The following ZFR2 variants were observed in gnomAD, a reference collection of about 807,000 sequenced individuals.
ZFR2 encodes zinc finger RNA binding protein 2, also known as zinc finger RNA-binding protein 2.
In ZFR2, 104 loss-of-function variants were observed where a neutral mutation model predicts 105.7. The ratio of observed to expected loss-of-function variants is 0.98; its 90% CI spans 0.84 to 1.16. ZFR2 has a LOEUF of 1.16. Among genes scored for constraint, ZFR2 ranks in the 50% most tolerant of loss-of-function variants. ZFR2 has a pLI of 0.00. For missense variants in ZFR2, 1,425 were observed against 1,355.5 expected (o/e 1.05, Z -0.80); for synonymous variants, 634 against 597.7 (o/e 1.06, Z -0.89).
At chr19:3,825,482 G>A (rs1279242837) in intron 6 of ZFR2, 75 bp from the exon 7 acceptor site, 3 of 1,501,954 alleles carry the variant, frequency 2.0e-6, no homozygotes, top group Non-Finnish European at 2.7e-6. Context: ...GGCAGGAAGG[G>A]CCTCCACGGG....
intron 11 of ZFR2, among the ~76,000 whole-genome samples, chr19:3,819,799 G>T (rs2037868858): frequency 1.3e-5 from 2 of 149,174 alleles, no homozygotes; most frequent in Admixed American, 1.4e-4. Context: ...TTGCAGTGAG[G>T]CCACGATTGC....
rs1183051620 is a variant in ZFR2 at position 3,805,893 on chromosome 19, G to T, written c.*56C>A. ...GGATGAAGCAGCCATTGGTCGGCGC[G>T]CACACGTCCAGGAGTGCAGGGATGC... On this transcript the variant is annotated 3_prime_UTR_variant, in exon 19 of 19. Coordinates refer to ENST00000262961, the MANE Select transcript of ZFR2 (RefSeq NM_015174.2). 2.8e-6 allele frequency: 4 copies of T among 1,445,116 alleles called. No individual in the cohort carries two copies. The highest frequency in any genetic ancestry group is 5.0e-4 in the Middle Eastern group (2 of 4,034). 89.5% of individuals were successfully genotyped at this position (1,445,116 alleles called of 1,614,324 possible).
chr19:3,819,323 G>A (rs1442529036), intron 11 of ZFR2, 88 bp from the exon 12 acceptor site: 18 of 1,089,788 alleles, frequency 1.7e-5, no homozygotes, highest in African/African-American at 6.8e-5. Context: ...GCAGGTGGCC[G>A]TGGCCAGCCA....
Position 3,856,243 on chromosome 19 carries a change from G to A in ZFR2, c.53+12722C>T, listed in dbSNP as rs372343839. 2.6e-5 allele frequency among the ~76,000 whole-genome samples: 4 copies of A among 152,302 alleles called. No individual in the cohort carries two copies. In the East Asian group the frequency reaches 5.8e-4, roughly 22 times the overall value. On this transcript the variant is annotated intron_variant, in intron 1 of 18. Transcript: ENST00000262961. ...GGATGAAGGGGTTTTGGAGAAGCGT[G>A]CAGGCGCTTGGACTTGGATATGATC...
At chr19:3,855,536 A>T (rs1242493042) in intron 1 of ZFR2, 26 of 1,020,224 alleles carry the variant, frequency 2.5e-5, no homozygotes, top group Non-Finnish European at 3.1e-5. Flanking sequence ...TAACCAGACC[A>T]AAGTCCCGTC....
chr19:3,825,251 C>T lies in ZFR2; in HGVS notation c.1192G>A (p.Ala398Thr). 6.4e-7 allele frequency: 1 copy of T among 1,551,510 alleles called. No individual in the cohort carries two copies. Among genetic ancestry groups the T allele is most frequent in the Non-Finnish European group, 8.6e-7 (1 of 1,156,860 alleles). The part of the protein sequence containing the change: ...SRPALAKRPV[A>T]SKALCEGPPE... ...GTACCCTCGCATAAGGCCTTCGAGG[C>T]CACGGGTCTCTTGGCCAGCGCTGGC... Residue 398 changes from alanine to threonine, a missense_variant, in exon 7 of 19, where the codon GCC becomes ACC. Physicochemically the swap from Ala to Thr is moderately conservative, Grantham distance 58 (BLOSUM62 0). Coordinates refer to ENST00000262961, the MANE Select transcript of ZFR2 (RefSeq NM_015174.2).
chr19:3,816,319 C>T (rs1288828770), intron 13 of ZFR2, among the ~76,000 whole-genome samples: 1 of 149,566 alleles, frequency 6.7e-6, no homozygotes, highest in Admixed American at 6.7e-5. Context: ...AATCTCAGCT[C>T]AGTGCAACCT....
intron 1 of ZFR2, among the ~76,000 whole-genome samples, chr19:3,863,610 T>C (rs1250885907): frequency 6.6e-6 from 1 of 152,106 alleles, no homozygotes; most frequent in East Asian, 1.9e-4. Context: ...TTTTAATGTC[T>C]AAAGGATGTA....
chr19:3,865,217 A>G (rs1278318173), intron 1 of ZFR2, among the ~76,000 whole-genome samples: 1 of 152,206 alleles, frequency 6.6e-6, no homozygotes, highest in African/African-American at 2.4e-5. Flanking sequence ...GCTAACTGTA[A>G]ACTTTTCTTA....
intron 2 of ZFR2, among the ~76,000 whole-genome samples, 170 bp from the exon 3 acceptor site, chr19:3,833,948 CA>C: frequency 6.6e-6 from 1 of 151,940 alleles, no homozygotes; most frequent in East Asian, 2.0e-4. Context: ...GGGCAGGGGG[CA>C]GGGGGCAGGG....
At chr19:3,806,626 G>A (rs10415797) in intron 18 of ZFR2, among the ~76,000 whole-genome samples, 31,965 of 152,024 alleles carry the variant, frequency 0.21, 3,609 homozygotes, top group East Asian at 0.33. Context: ...GCGTGGTGCC[G>A]GCTGACCACA....
chr19:3,863,924 G>C (rs1216524863), intron 1 of ZFR2, among the ~76,000 whole-genome samples: 3 of 152,128 alleles, frequency 2.0e-5, no homozygotes, highest in South Asian at 2.1e-4. Context: ...CAAGGATCAC[G>C]TGAGGGCTCA....
chr19:3,825,937 C>T (rs1206268441), intron 6 of ZFR2, among the ~76,000 whole-genome samples: 3 of 152,114 alleles, frequency 2.0e-5, no homozygotes, highest in Non-Finnish European at 4.4e-5. Context: ...TGCACAGGGC[C>T]ACTGTGTGTG....
chr19:3,856,646 G>T (rs17747976), intron 1 of ZFR2, among the ~76,000 whole-genome samples: 4,077 of 152,234 alleles, frequency 0.027, 82 homozygotes, highest in Middle Eastern at 0.058. Flanking sequence ...ATTTGGTATG[G>T]TGATGGTGTG....
At chr19:3,808,055 G>T (rs996529676) in intron 17 of ZFR2, among the ~76,000 whole-genome samples, 2 of 143,458 alleles carry the variant, frequency 1.4e-5, no homozygotes, top group South Asian at 4.3e-4. Context: ...CCGTGCGTGT[G>T]CGTGCATGTG....
At chr19:3,835,754 G>A (rs545752066) in intron 1 of ZFR2, among the ~76,000 whole-genome samples, 1 of 151,786 alleles carries the variant, frequency 6.6e-6, no homozygotes, top group East Asian at 2.0e-4. Context: ...AGACCAACCT[G>A]GACAACATAA....
rs1245725517 is a variant in ZFR2, at chr19:3,858,692, C to A, written c.53+10273G>T. Among the ~76,000 whole-genome samples, 2 of 152,186 alleles carry A rather than the reference C, an allele frequency of 1.3e-5. No homozygotes were observed. Among genetic ancestry groups the A allele is most frequent in the Admixed American group, 1.3e-4 (2 of 15,280 alleles). On this transcript the variant is annotated intron_variant, in intron 1 of 18. Transcript: ENST00000262961. The surrounding 1 kb of genome is among the most constrained non-coding windows in gnomAD (Gnocchi z 4.3). ...AATCAACCGGGCATGGTGGTGCATG[C>A]CTGAAATCCCAGCTACTTGGGAGGC...
chr19:3,846,444 A>G (rs55830133), intron 1 of ZFR2, among the ~76,000 whole-genome samples: 22,832 of 152,232 alleles, frequency 0.15, 2,073 homozygotes, highest in East Asian at 0.26. Context: ...TATGTTTGTC[A>G]TGGTGAGCGG....
intron 5 of ZFR2, among the ~76,000 whole-genome samples, chr19:3,828,984 C>T (rs545669383): frequency 4.2e-5 from 6 of 142,560 alleles, no homozygotes; most frequent in South Asian, 4.4e-4. Context: ...TTTTTTAAGA[C>T]GGAGTCTTGC....
Sources: allele counts gnomAD v4.1 joint callset (sites outside exome capture counted in the v4.1 genomes callset), GRCh38; gene constraint gnomAD v4.1.1; non-coding constraint Gnocchi (gnomAD v3.1); transcripts MANE v1.5; gene names NCBI Gene and HGNC (gene_info 2026-07-23, HGNC 2026-07-21).